Variants in LCLAT1 observed in about 807,000 individuals in gnomAD.
The protein encoded by LCLAT1 is lysocardiolipin acyltransferase 1.
In LCLAT1, 11 loss-of-function variants were observed where a neutral mutation model predicts 30.7. The observed-to-expected ratio is 0.36, with a 90% CI of 0.23 to 0.59. LCLAT1 has a LOEUF of 0.59. LCLAT1 is among the 20% of genes least tolerant of loss of function. LCLAT1 has a pLI of 0.77. For missense variants in LCLAT1, 402 were observed against 458.6 expected, an observed-to-expected ratio of 0.88 and a Z score of 1.13; for synonymous variants, 155 against 151.3, an observed-to-expected ratio of 1.02 and a Z score of -0.18.
At chr2:30,551,204 G>T (rs754478493) in intron 3 of LCLAT1, among the ~76,000 whole-genome samples, 1 of 151,894 alleles carries the variant, frequency 6.6e-6, no homozygotes, top group Non-Finnish European at 1.5e-5. Context: ...GGTGGGTATC[G>T]CTACATTGCC....
chr2:30,574,714 A>T (rs756739732), intron 5 of LCLAT1, among the ~76,000 whole-genome samples: 2 of 152,182 alleles, frequency 1.3e-5, no homozygotes, highest in Non-Finnish European at 2.9e-5. Flanking sequence ...TTGGATGACA[A>T]TTAGTTCACA....
intron 3 of LCLAT1, among the ~76,000 whole-genome samples, chr2:30,561,263 C>T (rs760715730): frequency 7.9e-5 from 12 of 152,204 alleles, no homozygotes; most frequent in Non-Finnish European, 1.6e-4. Flanking sequence ...TATTTTTATC[C>T]TGCCTCAGCC....
At chr2:30,467,123 T>C (rs754615794) in intron 1 of LCLAT1, among the ~76,000 whole-genome samples, 2 of 152,106 alleles carry the variant, frequency 1.3e-5, no homozygotes, top group African/African-American at 2.4e-5. Context: ...CGATGTGTGA[T>C]GTTCCCCTTC....
intron 1 of LCLAT1, among the ~76,000 whole-genome samples, chr2:30,499,736 C>G (rs1471817128): frequency 6.6e-6 from 1 of 152,188 alleles, no homozygotes; most frequent in Non-Finnish European, 1.5e-5. Context: ...AAAGTTCCAT[C>G]TGTATATCCT....
chr2:30,592,073 T>C (rs967668138), intron 5 of LCLAT1, among the ~76,000 whole-genome samples: 4 of 152,314 alleles, frequency 2.6e-5, no homozygotes, highest in Non-Finnish European at 5.9e-5. Flanking sequence ...ACTTGGTACT[T>C]ACTAAGCACT....
chr2:30,581,983 T>G (rs72858974), intron 5 of LCLAT1, among the ~76,000 whole-genome samples: 2,022 of 152,312 alleles, frequency 0.013, 35 homozygotes, highest in African/African-American at 0.046. Context: ...ACACATTGCA[T>G]ACATATCTTA....
chr2:30,486,017 A>G (rs930455022), intron 1 of LCLAT1, among the ~76,000 whole-genome samples: 1 of 152,220 alleles, frequency 6.6e-6, no homozygotes, highest in Non-Finnish European at 1.5e-5. Context: ...TCACTCCCTG[A>G]TAACTCTTGT....
intron 3 of LCLAT1, among the ~76,000 whole-genome samples, chr2:30,541,720 C>T (rs1664147072): frequency 6.6e-6 from 1 of 152,184 alleles, no homozygotes; most frequent in Non-Finnish European, 1.5e-5. Context: ...ATGTAACTCA[C>T]AACAGTCAAG....
intron 5 of LCLAT1, among the ~76,000 whole-genome samples, chr2:30,631,791 T>C (rs1250986677): frequency 6.6e-6 from 1 of 152,226 alleles, no homozygotes. Flanking sequence ...AGTAGATAAG[T>C]ACTGTTAATA....
chr2:30,449,362 AATC>A (rs771057703), intron 1 of LCLAT1, among the ~76,000 whole-genome samples: 22 of 152,244 alleles, frequency 1.4e-4, no homozygotes, highest in Non-Finnish European at 2.5e-4. Flanking sequence ...TGTAAATAAT[AATC>A]ATGGTTTATT....
intron 1 of LCLAT1, among the ~76,000 whole-genome samples, chr2:30,450,919 G>A (rs899597858): frequency 1.3e-5 from 2 of 152,132 alleles, no homozygotes; most frequent in African/African-American, 2.4e-5. Flanking sequence ...AGAAAATGAA[G>A]AGCAAAATAT....
chr2:30,619,057 A>T (rs1263662206), intron 5 of LCLAT1, among the ~76,000 whole-genome samples: 1 of 152,158 alleles, frequency 6.6e-6, no homozygotes. Context: ...AATTTAGAAG[A>T]CCAAGAATAG....
At position 30,626,976 on chromosome 2, in the gene LCLAT1, A is replaced by G. The variant is rs115451929; in HGVS notation, c.629-13141A>G. ...ATCATAAAGTCTCAGTTTTTACAAA[A>G]TGTGTTTAAATTGTCTTGCCACTAG... On this transcript the variant is annotated intron_variant, in intron 5 of 5. Transcript: ENST00000379509. Among the ~76,000 whole-genome samples, 1,218 of 152,294 alleles carry G rather than the reference A, an allele frequency of 8.0e-3. 21 individuals are homozygous for G. Among genetic ancestry groups the G allele is most frequent in the African/African-American group, 0.028 (1,154 of 41,558 alleles).
At chr2:30,566,326 G>A (rs1207839447) in intron 4 of LCLAT1, among the ~76,000 whole-genome samples, 2 of 152,128 alleles carry the variant, frequency 1.3e-5, no homozygotes, top group Non-Finnish European at 2.9e-5. Context: ...CATCTTTGTG[G>A]TGTCTATGGG....
At chr2:30,453,171 T>C (rs1369965720) in intron 1 of LCLAT1, among the ~76,000 whole-genome samples, 1 of 152,182 alleles carries the variant, frequency 6.6e-6, no homozygotes, top group Non-Finnish European at 1.5e-5. Flanking sequence ...GGAGAACTCA[T>C]GGAGCGGGGG....
chr2:30,514,221 A>G (rs1251655300), intron 1 of LCLAT1, among the ~76,000 whole-genome samples: 1 of 152,244 alleles, frequency 6.6e-6, no homozygotes, highest in Non-Finnish European at 1.5e-5. Context: ...GTGAGAATGT[A>G]AAGTGCCTAT....
chr2:30,638,324 G>A (rs1020807077), intron 5 of LCLAT1, among the ~76,000 whole-genome samples: 4 of 152,188 alleles, frequency 2.6e-5, no homozygotes, highest in Admixed American at 2.6e-4. Context: ...AAATGTGCAT[G>A]TCTTAAATGT....
At chr2:30,585,165 G>T (rs1326651771) in intron 5 of LCLAT1, among the ~76,000 whole-genome samples, 2 of 152,012 alleles carry the variant, frequency 1.3e-5, no homozygotes, top group Non-Finnish European at 2.9e-5. Flanking sequence ...GCTGTCTCCT[G>T]ACTCCATGCC....
intron 5 of LCLAT1, among the ~76,000 whole-genome samples, chr2:30,595,909 G>A (rs115039354): frequency 3.3e-5 from 5 of 152,136 alleles, no homozygotes; most frequent in African/African-American, 7.2e-5. Context: ...TTCTGTTCCC[G>A]GGTTAGTTTG....
Sources: gnomAD v4.1 joint callset for allele counts (sites outside exome capture counted in the v4.1 genomes callset) on GRCh38, gnomAD v4.1.1 for gene constraint, MANE v1.5 for transcripts, NCBI Gene and HGNC (gene_info 2026-07-23, HGNC 2026-07-21) for gene names.